KNL1: variants seen among roughly 807,000 people sequenced by gnomAD.
KNL1 encodes kinetochore scaffold 1.
KNL1 carries 66 observed loss-of-function variants against 201.3 expected under a neutral mutation model. The ratio of observed to expected loss-of-function variants is 0.33; its 90% CI spans 0.27 to 0.40. The LOEUF (loss-of-function observed/expected upper bound fraction) is 0.40, where lower values mean the gene tolerates loss of function less well. KNL1 is among the 10% of genes least tolerant of loss of function. The pLI is 1.00. For missense variants in KNL1, 2,815 were observed against 2,690.5 expected (o/e 1.05, Z -1.02); for synonymous variants, 895 against 899.2 (o/e 1.00, Z 0.08).
rs565623006 is a variant in KNL1 at position 40,620,387 on chromosome 15, T to C, written c.376-253T>C. The stretch of plus-strand genomic sequence containing the variant: ...TGCCTGGCTTATTTTCTTTTTTGTA[T>C]TTTTTAGTAGAGACGGGGTTTCACC... On this transcript the variant is annotated intron_variant, in intron 9 of 25. Transcript: ENST00000399668. 6.4e-4 allele frequency among the ~76,000 whole-genome samples: 98 copies of C among 152,084 alleles called. 2 individuals carry two copies. The South Asian group carries it at 0.019, about 29-fold the overall frequency.
At chr15:40,637,800 A>G (rs1412963548) in intron 13 of KNL1, among the ~76,000 whole-genome samples, 1 of 152,190 alleles carries the variant, frequency 6.6e-6, no homozygotes, top group African/African-American at 2.4e-5. Context: ...ATGAAACATA[A>G]ATTTATTTCA....
intron 13 of KNL1, among the ~76,000 whole-genome samples, chr15:40,638,109 A>G (rs1893111678): frequency 6.6e-6 from 1 of 151,904 alleles, no homozygotes; most frequent in African/African-American, 2.4e-5. Flanking sequence ...TGAACCTTGA[A>G]CCCAGGAGGC....
In KNL1 at chr15:40,645,655, G is replaced by T; in HGVS notation, c.5890-1G>T. On this transcript the variant is annotated splice_acceptor_variant, in intron 15 of 25. Coordinates refer to ENST00000399668, the MANE Select transcript of KNL1 (RefSeq NM_144508.5). LOFTEE classifies it high-confidence loss of function. ...GTGTTCTCTATAACTTTCCCTTCCA[G>T]CTGAAGGCCTTTGGAATTTATCTTA... is the stretch of plus-strand genomic sequence containing the variant. 1.9e-6 allele frequency: 3 copies of T among 1,560,034 alleles called. No individual in the cohort carries two copies. Among genetic ancestry groups the T allele is most frequent in the Non-Finnish European group, 1.8e-6 (2 of 1,138,450 alleles).
At chr15:40,608,953 T>C in intron 5 of KNL1, 45 bp downstream of exon 5, 2 of 1,343,710 alleles carry the variant, frequency 1.5e-6, no homozygotes, top group Non-Finnish European at 2.1e-6. Flanking sequence ...GGTACTGGTA[T>C]TTTGTGTATC....
Position 40,602,935 on chromosome 15 carries a change from G to C in KNL1, c.4G>C (p.Asp2His). The change falls in exon 2 of 26, where the codon GAT becomes CAT. Residue 2 changes from aspartate (D) to histidine (H), a missense_variant. Physicochemically the swap from Asp to His is moderately conservative, Grantham distance 81. Coordinates refer to ENST00000399668, the MANE Select transcript of KNL1 (RefSeq NM_144508.5). M[D>H]GVSSEANEEN... Reference sequence around the variant, plus strand: ...TACAGAAAAGTTTTCTTCAAAAATGGATGGGGTGTCTTCAGAGGCTAATGA... The same window carrying C: ...TACAGAAAAGTTTTCTTCAAAAATGCATGGGGTGTCTTCAGAGGCTAATGA... The C allele has an allele frequency of 6.3e-7, 1 of 1,592,016 alleles. No homozygotes were observed. The highest frequency in any genetic ancestry group is 8.6e-7 in the Non-Finnish European group (1 of 1,163,214).
At chr15:40,637,380 T>TTC (rs1555421999) in intron 13 of KNL1, among the ~76,000 whole-genome samples, 119 of 151,488 alleles carry the variant, frequency 7.9e-4, no homozygotes, top group Middle Eastern at 6.8e-3. Flanking sequence ...TTTTTTTTTT[T>TTC]AAGTTTACTT....
In KNL1 at chr15:40,620,797, A is replaced by T. The variant is rs1401557843; in HGVS notation, c.533A>T (p.Asp178Val). Residue 178 changes from aspartate (D) to valine (V), a missense_variant, in exon 10 of 26, where the codon GAT (aspartate) becomes GTT (valine). By Grantham distance (152) the Asp-to-Val change is radical (BLOSUM62 -3). Around this residue, in one of 3 missense-constraint regions of KNL1, gnomAD observed 2,464 missense variants for 2,291.7 expected, o/e 1.08. Coordinates refer to ENST00000399668, the MANE Select transcript of KNL1 (RefSeq NM_144508.5). The part of the protein sequence containing the change: ...NPISEKSTKI[D>V]TTSFLANLKL... The stretch of plus-strand genomic sequence containing the variant: ...ATAAGTGAAAAGTCCACCAAGATAG[A>T]TACCACATCATTTCTAGCTAATTTA... 6.2e-7 allele frequency: 1 copy of T among 1,612,886 alleles called. No individual in the cohort carries two copies. The highest frequency in any genetic ancestry group is 8.5e-7 in the Non-Finnish European group (1 of 1,179,678).
chr15:40,608,122 A>G (rs1371514635), intron 4 of KNL1, among the ~76,000 whole-genome samples: 2 of 152,198 alleles, frequency 1.3e-5, no homozygotes, highest in Non-Finnish European at 2.9e-5. Context: ...TTCAGCCTTG[A>G]AAAAAAGAAG....
intron 13 of KNL1, among the ~76,000 whole-genome samples, chr15:40,639,157 T>TC (rs1445511613): frequency 7.4e-6 from 1 of 135,284 alleles, no homozygotes; most frequent in Admixed American, 7.5e-5. Flanking sequence ...GCCTTAAAAA[T>TC]CCTTTTTTTT....
Position 40,623,429 on chromosome 15 carries a change from T to A in KNL1, c.3165T>A (p.Asn1055Lys). The change falls in exon 10 of 26, where the codon AAT becomes AAA. Residue 1055 changes from asparagine to lysine, a missense_variant. Physicochemically the swap from Asn to Lys is moderately conservative, Grantham distance 94. Coordinates refer to ENST00000399668, the MANE Select transcript of KNL1 (RefSeq NM_144508.5). Reference protein sequence around the residue: ...IKDVQSPGFLNEPLSSKSQRR... With the variant: ...IKDVQSPGFLKEPLSSKSQRR... ...ATGTACAAAGTCCTGGATTTCTGAA[T>A]GAACCTCTATCAAGCAAAAGTCAGA... 1 of 1,613,360 alleles carries A rather than the reference T, an allele frequency of 6.2e-7. No individual in the cohort carries two copies. Among genetic ancestry groups the A allele is most frequent in the East Asian group, 2.2e-5 (1 of 44,874 alleles).
intron 16 of KNL1, among the ~76,000 whole-genome samples, chr15:40,645,979 A>T (rs191613636): frequency 6.6e-6 from 1 of 152,228 alleles, no homozygotes; most frequent in Admixed American, 6.5e-5. Flanking sequence ...ATGTGGGCCT[A>T]TGTCTCATCT....
intron 1 of KNL1, among the ~76,000 whole-genome samples, chr15:40,599,661 G>A (rs559156304): frequency 1.3e-3 from 196 of 152,180 alleles, no homozygotes; most frequent in African/African-American, 4.6e-3. Flanking sequence ...AGGATTACAG[G>A]TGTGAGCCAC....
chr15:40,629,417 T>C (rs1892841587), intron 13 of KNL1, 46 bp downstream of exon 13: 1 of 1,334,332 alleles, frequency 7.5e-7, no homozygotes, highest in Non-Finnish European at 1.0e-6. Context: ...AGCAAACATT[T>C]ATTTAAAAGC....
intron 25 of KNL1, among the ~76,000 whole-genome samples, chr15:40,659,697 G>T (rs963998840): frequency 2.6e-5 from 4 of 151,380 alleles, no homozygotes; most frequent in Non-Finnish European, 4.4e-5. Flanking sequence ...TTTCACCATG[G>T]TCTCGATCTC....
Position 40,659,403 on chromosome 15 carries a change from G to A in KNL1, c.6778G>A (p.Ala2260Thr). The change falls in exon 25 of 26, where the codon GCC (alanine) becomes ACC (threonine). Residue 2260 changes from alanine to threonine, a missense_variant. Coordinates refer to ENST00000399668, the MANE Select transcript of KNL1 (RefSeq NM_144508.5). ...GTTTGAAATAACTTTGTTTCTCTCA[G>A]CCTATTATCCATCTGTACCATTACC... The part of the protein sequence containing the change: ...AKFEITLFLS[A>T]YYPSVPLPST... 6.2e-7 allele frequency: 1 copy of A among 1,613,580 alleles called. No individual in the cohort carries two copies. Among genetic ancestry groups the A allele is most frequent in the Non-Finnish European group, 8.5e-7 (1 of 1,179,524 alleles).
At chr15:40,599,048 T>TC (rs1351977497) in intron 1 of KNL1, among the ~76,000 whole-genome samples, 5 of 151,814 alleles carry the variant, frequency 3.3e-5, no homozygotes, top group African/African-American at 1.2e-4. Flanking sequence ...CAAGCAGTCC[T>TC]CCCACCTTGA....
At chr15:40,647,352 G>A (rs1893421454) in intron 17 of KNL1, among the ~76,000 whole-genome samples, 1 of 151,970 alleles carries the variant, frequency 6.6e-6, no homozygotes, top group African/African-American at 2.4e-5. Context: ...ACGGGCGCCT[G>A]TACTCCAGCT....
At position 40,621,195 on chromosome 15, in the gene KNL1, A is replaced by G. The variant is rs1595923971; in HGVS notation, c.931A>G (p.Ile311Val). ...CTCACGGGAATCTAAAGGTAATGATATTACAATTTATGGCAATGACTTTAT... is the reference window on the plus strand; with the variant it reads ...CTCACGGGAATCTAAAGGTAATGATGTTACAATTTATGGCAATGACTTTAT... ...TNSRESKGND[I>V]TIYGNDFMDL... Residue 311 changes from isoleucine to valine, a missense_variant, in exon 10 of 26, where the codon ATT becomes GTT. Physicochemically the swap from Ile to Val is conservative, Grantham distance 29. This residue lies in a region of KNL1 where 2,464 missense variants were observed against 2,291.7 expected (regional missense o/e 1.08). Coordinates refer to ENST00000399668, the MANE Select transcript of KNL1 (RefSeq NM_144508.5). The G allele has an allele frequency of 1.9e-6, 3 of 1,612,186 alleles. No homozygotes were observed. Among genetic ancestry groups the G allele is most frequent in the Non-Finnish European group, 2.5e-6 (3 of 1,178,848 alleles).
At chr15:40,596,479 C>G (rs887291324) in intron 1 of KNL1, among the ~76,000 whole-genome samples, 1 of 151,828 alleles carries the variant, frequency 6.6e-6, no homozygotes, top group Non-Finnish European at 1.5e-5. Context: ...GGTTTCACCA[C>G]GTTGGCCAGG....
Sources: gnomAD v4.1 joint callset for allele counts (sites outside exome capture counted in the v4.1 genomes callset) on GRCh38, gnomAD v4.1.1 for gene constraint, gnomAD v4.1.1 regional missense constraint, MANE v1.5 for transcripts, NCBI Gene and HGNC (gene_info 2026-07-23, HGNC 2026-07-21) for gene names.